TEAD4: variants seen among roughly 807,000 people sequenced by gnomAD.
TEAD4 encodes transcriptional enhancer factor TEF-3.
Under a neutral mutation model 52.4 loss-of-function variants are expected in TEAD4, and 36 were observed. That is an observed-to-expected ratio of 0.69 (90% confidence interval 0.53 to 0.91). The LOEUF is 0.91. Ranked by LOEUF, TEAD4 falls within the 40% of genes least tolerant of loss-of-function variation. TEAD4 has a pLI of 0.00. For missense variants in TEAD4, 508 were observed against 583.9 expected (o/e 0.87, Z 1.34); for synonymous variants, 220 against 231.0 (o/e 0.95, Z 0.43).
intron 3 of TEAD4, among the ~76,000 whole-genome samples, chr12:2,998,931 G>A (rs757283387): frequency 3.3e-5 from 5 of 152,170 alleles, no homozygotes; most frequent in Admixed American, 3.3e-4. Context: ...TGTCCTGCAT[G>A]AGAATAGGTT....
intron 10 of TEAD4, among the ~76,000 whole-genome samples, chr12:3,025,936 C>CT (rs11370551): frequency 0.8 from 119,769 of 150,238 alleles, 48,585 homozygotes; most frequent in East Asian, 1. Flanking sequence ...TATTATGTAA[C>CT]TTTTTTTTTT....
At chr12:2,984,698 T>C (rs553627147) in intron 2 of TEAD4, among the ~76,000 whole-genome samples, 90 of 152,364 alleles carry the variant, frequency 5.9e-4, no homozygotes, top group African/African-American at 2.1e-3. Flanking sequence ...CATGTGACTA[T>C]ACTCAGTTCT....
intron 2 of TEAD4, among the ~76,000 whole-genome samples, chr12:2,962,327 A>AATATATAAATATAAAT: frequency 8.9e-6 from 1 of 112,750 alleles, no homozygotes; most frequent in East Asian, 2.6e-4. Context: ...TATATATATA[A>AATATATAAATATAAAT]ATATAAATAT....
intron 2 of TEAD4, among the ~76,000 whole-genome samples, chr12:2,964,276 T>C (rs1395850126): frequency 6.6e-6 from 1 of 152,150 alleles, no homozygotes; most frequent in Non-Finnish European, 1.5e-5. Context: ...GCCCCTGAGA[T>C]GTCTTTGCGA....
intron 5 of TEAD4, among the ~76,000 whole-genome samples, chr12:3,014,823 G>A (rs371725676): frequency 8.5e-5 from 13 of 152,284 alleles, no homozygotes; most frequent in East Asian, 5.8e-4. Context: ...AGCCCCAGCC[G>A]TTTGTTTAGA....
intron 2 of TEAD4, among the ~76,000 whole-genome samples, chr12:2,960,673 T>C (rs1404008624): frequency 6.6e-6 from 1 of 152,156 alleles, no homozygotes; most frequent in African/African-American, 2.4e-5. Flanking sequence ...TATTTGTTTG[T>C]GTTGAACGTG....
At chr12:3,008,582 C>G (rs2153956403) in intron 3 of TEAD4, among the ~76,000 whole-genome samples, 1 of 152,254 alleles carries the variant, frequency 6.6e-6, no homozygotes, top group East Asian at 1.9e-4. Context: ...AGGTGATGAT[C>G]CTAATCCAAG....
At chr12:3,019,454 C>T (rs11062461) in intron 8 of TEAD4, among the ~76,000 whole-genome samples, 12,690 of 152,262 alleles carry the variant, frequency 0.083, 644 homozygotes, top group African/African-American at 0.14. Flanking sequence ...GGGCAGTGCC[C>T]GTGCCCTGGC....
chr12:2,966,384 C>A (rs928019550), intron 2 of TEAD4, among the ~76,000 whole-genome samples: 3 of 151,702 alleles, frequency 2.0e-5, no homozygotes, highest in African/African-American at 7.3e-5. Flanking sequence ...GCCTGTGTGG[C>A]CTGTGTCTTC....
intron 2 of TEAD4, among the ~76,000 whole-genome samples, chr12:2,975,147 A>T (rs191114831): frequency 7.6e-5 from 11 of 145,372 alleles, no homozygotes; most frequent in African/African-American, 2.5e-4. Flanking sequence ...AAAGGCCCCG[A>T]GGAGAAAAAG....
chr12:3,022,109 G>A, intron 10 of TEAD4, 92 bp downstream of exon 10: 1 of 1,509,598 alleles, frequency 6.6e-7, no homozygotes, highest in South Asian at 1.3e-5. Context: ...CCTTGTCACA[G>A]TAGAAACTTG....
At chr12:2,995,540 C>T (rs1419199654) in intron 3 of TEAD4, among the ~76,000 whole-genome samples, 1 of 152,148 alleles carries the variant, frequency 6.6e-6, no homozygotes, top group Non-Finnish European at 1.5e-5. Flanking sequence ...GACCACTCCC[C>T]TAGGAAAGGC....
chr12:3,024,138 G>A (rs1369652613), intron 10 of TEAD4, among the ~76,000 whole-genome samples: 1 of 151,652 alleles, frequency 6.6e-6, no homozygotes, highest in African/African-American at 2.4e-5. Flanking sequence ...GCAGTGGCGT[G>A]ATCTTGGCTC....
chr12:2,989,084 G>A (rs549673435), intron 2 of TEAD4, among the ~76,000 whole-genome samples: 1 of 152,094 alleles, frequency 6.6e-6, no homozygotes, highest in Non-Finnish European at 1.5e-5. Flanking sequence ...AGAAGCACAG[G>A]TAAAACAACC....
intron 2 of TEAD4, among the ~76,000 whole-genome samples, chr12:2,983,710 G>A (rs1417965490): frequency 6.6e-6 from 1 of 152,204 alleles, no homozygotes; most frequent in East Asian, 1.9e-4. Flanking sequence ...GACATTTCCT[G>A]AGGTTTCTTT....
At chr12:3,038,618 GA>G (rs2098280817) in intron 11 of TEAD4, among the ~76,000 whole-genome samples, 1 of 152,236 alleles carries the variant, frequency 6.6e-6, no homozygotes, top group South Asian at 2.1e-4. Flanking sequence ...GGAAGTTACA[GA>G]AAATTCAGGC....
At chr12:3,017,333 G>A in intron 5 of TEAD4, 65 bp from the exon 6 acceptor site, 1 of 1,608,272 alleles carries the variant, frequency 6.2e-7, no homozygotes, top group Non-Finnish European at 8.5e-7. Flanking sequence ...CCGAGGGCCG[G>A]ACCTGCCTGG....
Position 3,038,087 on chromosome 12 carries a change from G to A in TEAD4, c.1017G>A (p.Lys339=), listed in dbSNP as rs767356667. The A allele has an allele frequency of 2.7e-5, 44 of 1,613,178 alleles. No homozygotes were observed. The highest frequency in any genetic ancestry group is 3.4e-5 in the Non-Finnish European group (40 of 1,179,366). Residue 339 remains lysine, a synonymous_variant, in exon 11 of 13, where the codon AAG becomes AAA. Coordinates refer to ENST00000359864, the MANE Select transcript of TEAD4 (RefSeq NM_003213.4). The stretch of plus-strand genomic sequence containing the variant: ...CCACGAAGGTCTGCTCTTTCGGCAA[G>A]CAGGTGGTGGAGAAAGTTGAGGTAG...
At chr12:3,012,559 C>T (rs369161849) in intron 5 of TEAD4, among the ~76,000 whole-genome samples, 151 of 152,192 alleles carry the variant, frequency 9.9e-4, no homozygotes, top group African/African-American at 3.4e-3. Context: ...TCAGTGCCCT[C>T]GACCAGAGCA....
Sources: gnomAD v4.1 joint callset for allele counts (sites outside exome capture counted in the v4.1 genomes callset) on GRCh38, gnomAD v4.1.1 for gene constraint, MANE v1.5 for transcripts, NCBI Gene and HGNC (gene_info 2026-07-23, HGNC 2026-07-21) for gene names.